INTS1: variants seen among roughly 807,000 people sequenced by gnomAD.
INTS1 encodes integrator complex subunit 1.
INTS1 carries 137 observed loss-of-function variants against 241.6 expected under a neutral mutation model. That is an observed-to-expected ratio of 0.57 (90% CI 0.49 to 0.65). The LOEUF is 0.65. INTS1 is among the 30% of genes least tolerant of loss of function. The pLI is 0.00. For synonymous variants in INTS1, 1,692 were observed against 1,337.8 expected (o/e 1.26, Z -5.78); for missense variants, 3,073 against 3,032.2 (o/e 1.01, Z -0.32).
At chr7:1,487,164 C>A in intron 20 of INTS1, 63 bp from the exon 21 acceptor site, 1 of 1,524,646 alleles carries the variant, frequency 6.6e-7, no homozygotes, top group Non-Finnish European at 8.8e-7. Flanking sequence ...CGCCAGCCCC[C>A]CGGGTGACCG....
Position 1,481,267 on chromosome 7 carries a change from A to C in INTS1, c.3850+75T>G, listed in dbSNP as rs774397610. ...TCGGATCACCCACCCGCTCGCACCC[A>C]GGCCCCAAAAGCCTGGCCGGGCTGG... On this transcript the variant is annotated intron_variant, in intron 28 of 47. Coordinates refer to ENST00000404767, the MANE Select transcript of INTS1 (RefSeq NM_001080453.3). The surrounding 1 kb of genome is among the most constrained non-coding windows in gnomAD (Gnocchi z 6.8). 9.6e-6 allele frequency: 15 copies of C among 1,560,788 alleles called. No homozygotes were observed. Among genetic ancestry groups the C allele is most frequent in the Admixed American group, 1.7e-5 (1 of 58,418 alleles).
chr7:1,484,336 G>C (rs1782145693), intron 24 of INTS1, among the ~76,000 whole-genome samples, 166 bp from the exon 25 acceptor site: 1 of 152,166 alleles, frequency 6.6e-6, no homozygotes, highest in Admixed American at 6.5e-5. Context: ...ACCAGAGCTG[G>C]GTCGGACTCT....
chr7:1,489,131 C>T (rs1216885654), intron 18 of INTS1, among the ~76,000 whole-genome samples: 4 of 152,166 alleles, frequency 2.6e-5, no homozygotes, highest in Non-Finnish European at 4.4e-5. Flanking sequence ...TCCGTGATGC[C>T]GCCTCAATCC....
rs1433383702 is a variant in INTS1 at position 1,476,298 on chromosome 7, C to CAGCAGCAGCTG, written c.5298_5308dup (p.Cys1770SerfsTer14). 6.3e-7 allele frequency: 1 copy of CAGCAGCAGCTG among 1,587,418 alleles called. No individual in the cohort carries two copies. Among genetic ancestry groups the CAGCAGCAGCTG allele is most frequent in the Non-Finnish European group, 8.6e-7 (1 of 1,168,648 alleles). On this transcript the variant is annotated frameshift_variant, in exon 38 of 48. Transcript: ENST00000404767. LOFTEE classifies it high-confidence loss of function. ...CTTCCTGACACTCTCATCGTCCCCACAGCAGCAGCTGAGCAGCAGGGGCAG... is the reference window on the plus strand; with the variant it reads ...CTTCCTGACACTCTCATCGTCCCCACAGCAGCAGCTGAGCAGCAGCTGAGCAGCAGGGGCAG...
Position 1,479,737 on chromosome 7 carries a change from C to T in INTS1, c.4075-53G>A, listed in dbSNP as rs570740809. 1.6e-4 allele frequency: 226 copies of T among 1,431,886 alleles called. 3 individuals are homozygous for T. The South Asian group carries it at 2.9e-3, about 19-fold the overall frequency. The allele number at this position is 1,431,886 out of a possible 1,614,324, so 88.7% of individuals were successfully genotyped here. ...GGAAGCGGAGGAGAAGGAGGAGGAG[C>T]GCAGCGGAGAGGCTAAGCGCCCGGT... On this transcript the variant is annotated intron_variant, in intron 30 of 47. Transcript: ENST00000404767.
At position 1,500,372 on chromosome 7, in the gene INTS1, C is replaced by T; in HGVS notation, c.350-6G>A. On this transcript the variant is annotated splice_region_variant and splice_polypyrimidine_tract_variant and intron_variant, in intron 3 of 47. Transcript: ENST00000404767. The stretch of plus-strand genomic sequence containing the variant: ...CAGCAGCACCGTGGGCAGCACTGGC[C>T]GGGGCAGGCGGTACGGTCAGAACGG... 4 of 1,556,590 alleles carry T rather than the reference C, an allele frequency of 2.6e-6. No homozygotes were observed. The highest frequency in any genetic ancestry group is 2.3e-5 in the South Asian group (2 of 86,532).
intron 42 of INTS1, 133 bp downstream of exon 42, chr7:1,473,433 C>T (rs1229901165): frequency 4.2e-6 from 5 of 1,184,618 alleles, no homozygotes; most frequent in Admixed American, 4.3e-5. Context: ...GGGATGAGCA[C>T]CACGCTCAGC....
intron 14 of INTS1, 85 bp downstream of exon 14, chr7:1,494,731 C>G (rs1782760321): frequency 7.4e-7 from 1 of 1,352,498 alleles, no homozygotes; most frequent in African/African-American, 1.4e-5. Context: ...CCAACTCCCA[C>G]TGGCCCTTCC....
chr7:1,489,521 A>G, intron 17 of INTS1, 70 bp downstream of exon 17: 1 of 1,528,200 alleles, frequency 6.5e-7, no homozygotes, highest in Non-Finnish European at 8.9e-7. Flanking sequence ...GTCCCAACAG[A>G]CAAACTGCCC....
rs1174236696 is a variant in INTS1, at chr7:1,500,111, G to A, written c.546+59C>T. The A allele has an allele frequency of 3.2e-6, 5 of 1,584,056 alleles. No homozygotes were observed. The Admixed American group carries it at 5.1e-5, about 16-fold the overall frequency. On this transcript the variant is annotated intron_variant, in intron 4 of 47. Transcript: ENST00000404767. ...CGGGAGGGACACTTAAGGGGGAGGTGAGGAGGGGAGCCAAGGGCCCCAGCG... is the reference window on the plus strand; with the variant it reads ...CGGGAGGGACACTTAAGGGGGAGGTAAGGAGGGGAGCCAAGGGCCCCAGCG...
At chr7:1,489,286 G>A (rs1782431243) in intron 18 of INTS1, 58 bp downstream of exon 18, 1 of 85,672 alleles carries the variant, frequency 1.2e-5, no homozygotes. Context: ...AGCCCCAGCG[G>A]AACGAGACCA....
intron 3 of INTS1, among the ~76,000 whole-genome samples, 161 bp downstream of exon 3, chr7:1,502,740 T>A (rs1032395345): frequency 1.3e-5 from 2 of 152,148 alleles, no homozygotes; most frequent in African/African-American, 4.8e-5. Context: ...GATAAGGGCA[T>A]CTACGTGAGA....
chr7:1,495,014 G>A (rs1782776589), intron 13 of INTS1, 121 bp from the exon 14 acceptor site: 1 of 1,169,882 alleles, frequency 8.5e-7, no homozygotes, highest in Non-Finnish European at 1.2e-6. Flanking sequence ...GCTGCCTGGT[G>A]CCCAAGCTCA....
chr7:1,486,920 A>T lies in INTS1; in HGVS notation c.2826+2T>A, dbSNP rs761175419. On this transcript the variant is annotated splice_donor_variant, in intron 21 of 47. Transcript: ENST00000404767. LOFTEE classifies it high-confidence loss of function. ...GGGGGCTGAGGGGTGGGCGGCCCTGACCTGCCGCTTCTTGGCCTTCTGCTC... is the reference window on the plus strand; with the variant it reads ...GGGGGCTGAGGGGTGGGCGGCCCTGTCCTGCCGCTTCTTGGCCTTCTGCTC... The T allele has an allele frequency of 3.8e-6, 6 of 1,591,406 alleles. No homozygotes were observed. Among genetic ancestry groups the T allele is most frequent in the Non-Finnish European group, 5.1e-6 (6 of 1,173,894 alleles).
In INTS1 at chr7:1,494,886, T is replaced by C. The variant is rs1189910976; in HGVS notation, c.1840A>G (p.Lys614Glu). The C allele has an allele frequency of 6.4e-7, 1 of 1,561,452 alleles. No homozygotes were observed. Among genetic ancestry groups the C allele is most frequent in the Non-Finnish European group, 8.7e-7 (1 of 1,153,370 alleles). Reference sequence around the variant, plus strand: ...TCCGGCTGCTCTGTGAACAGCACCTTGTGCAGGCTGGGCAGGCAGAGAAGA... The same window carrying C: ...TCCGGCTGCTCTGTGAACAGCACCTCGTGCAGGCTGGGCAGGCAGAGAAGA... The part of the protein sequence containing the change: ...APKDYVHCLH[K>E]VLFTEQPETY... The change falls in exon 14 of 48, where the codon AAG (lysine) becomes GAG (glutamate). Residue 614 changes from lysine to glutamate, a missense_variant. Transcript: ENST00000404767.
Position 1,497,435 on chromosome 7 carries a change from G to C in INTS1, c.1426-121C>G, listed in dbSNP as rs568977801. 204 of 1,049,084 alleles carry C rather than the reference G, an allele frequency of 1.9e-4. No individual in the cohort carries two copies. In the African/African-American group the frequency reaches 3.1e-3, roughly 16 times the overall value. 65.0% of individuals were successfully genotyped at this position (1,049,084 alleles called of 1,614,324 possible). On this transcript the variant is annotated intron_variant, in intron 10 of 47. Transcript: ENST00000404767. This position sits in a 1 kb window ranked among gnomAD's most constrained non-coding sequence, Gnocchi z 5.3. ...CGCTGCAGTGGGTCTCAGACAGTGTGGGGTGCGGGGTGGCGGGCTCCTTGC... is the reference window on the plus strand; with the variant it reads ...CGCTGCAGTGGGTCTCAGACAGTGTCGGGTGCGGGGTGGCGGGCTCCTTGC...
At chr7:1,492,984 G>A (rs1228621075) in intron 16 of INTS1, 26 bp downstream of exon 16, 13 of 1,574,456 alleles carry the variant, frequency 8.3e-6, no homozygotes, top group Non-Finnish European at 1.0e-5. Context: ...ACCCGGGCGG[G>A]AGTGGGGAGC....
intron 22 of INTS1, 31 bp downstream of exon 22, chr7:1,486,594 C>A: frequency 6.2e-7 from 1 of 1,601,448 alleles, no homozygotes; most frequent in Non-Finnish European, 8.5e-7. Flanking sequence ...ACATGAAGAG[C>A]GTGCGCAGAA....
In INTS1 at chr7:1,476,630, G is replaced by A. The variant is rs772746404; in HGVS notation, c.5091C>T (p.Phe1697=). The A allele has an allele frequency of 1.9e-6, 3 of 1,612,660 alleles. No homozygotes were observed. Among genetic ancestry groups the A allele is most frequent in the East Asian group, 2.2e-5 (1 of 44,868 alleles). The change falls in exon 37 of 48, where the codon TTC becomes TTT. Residue 1697 remains phenylalanine, a synonymous_variant. Coordinates refer to ENST00000404767, the MANE Select transcript of INTS1 (RefSeq NM_001080453.3). ...GAGGAACATGGATGCAGGCCCAGAG[G>A]AAGTCCAGAGAGGCAGAGGGGTCGA... ...QRFDPSASLD[F]LWACIHVPRI...
Sources: gnomAD v4.1 joint callset for allele counts (sites outside exome capture counted in the v4.1 genomes callset) on GRCh38, gnomAD v4.1.1 for gene constraint, Gnocchi (gnomAD v3.1) non-coding constraint, MANE v1.5 for transcripts, NCBI Gene and HGNC (gene_info 2026-07-23, HGNC 2026-07-21) for gene names.